HDAC4: variants seen among roughly 807,000 people sequenced by gnomAD.
HDAC4 encodes histone deacetylase A.
Under a neutral mutation model 135.1 loss-of-function variants are expected in HDAC4, and 16 were observed. The ratio of observed to expected loss-of-function variants is 0.12; its 90% CI spans 0.08 to 0.18. The LOEUF (loss-of-function observed/expected upper bound fraction) is 0.18. Among genes scored for constraint, HDAC4 ranks in the 10% least tolerant of loss-of-function variants. The pLI is 1.00. For missense variants in HDAC4, 1,143 were observed against 1,511.8 expected, an observed-to-expected ratio of 0.76 and a Z score of 4.05; for synonymous variants, 685 against 653.4, an observed-to-expected ratio of 1.05 and a Z score of -0.74.
intron 2 of HDAC4, among the ~76,000 whole-genome samples, chr2:239,318,019 T>C (rs1008497098): frequency 2.0e-5 from 3 of 151,816 alleles, no homozygotes; most frequent in Non-Finnish European, 4.4e-5. Flanking sequence ...GTCCTGAATG[T>C]AGCAAGAACG....
intron 1 of HDAC4, among the ~76,000 whole-genome samples, chr2:239,363,820 A>G (rs1694006044): frequency 6.6e-6 from 1 of 152,218 alleles, no homozygotes; most frequent in African/African-American, 2.4e-5. Context: ...CCACACATAC[A>G]CCCAGCAAGG....
chr2:239,089,897 C>T (rs1309045576), intron 18 of HDAC4, 112 bp downstream of exon 18: 1 of 817,712 alleles, frequency 1.2e-6, no homozygotes, highest in East Asian at 2.5e-5. Context: ...GCCTCCCCAT[C>T]ACAGCCGCCT....
At chr2:239,229,644 T>C (rs1219747360) in intron 3 of HDAC4, among the ~76,000 whole-genome samples, 1 of 152,134 alleles carries the variant, frequency 6.6e-6, no homozygotes, top group South Asian at 2.1e-4. Flanking sequence ...AAGGTATATA[T>C]TGGTTTGGCC....
chr2:239,223,442 G>A (rs534874234), intron 3 of HDAC4, among the ~76,000 whole-genome samples: 2 of 152,308 alleles, frequency 1.3e-5, no homozygotes, highest in South Asian at 4.1e-4. Context: ...TAATCCAGCA[G>A]GCAGGTGGAA....
chr2:239,353,510 C>A (rs1263525824), intron 1 of HDAC4, among the ~76,000 whole-genome samples: 2 of 152,118 alleles, frequency 1.3e-5, no homozygotes, highest in Non-Finnish European at 2.9e-5. Flanking sequence ...GTAGGGCTGC[C>A]ATACACATTA....
At chr2:239,148,636 A>G (rs1251849555) in intron 7 of HDAC4, among the ~76,000 whole-genome samples, 3 of 152,230 alleles carry the variant, frequency 2.0e-5, no homozygotes, top group Non-Finnish European at 4.4e-5. Context: ...GACAGAATAA[A>G]GTGATTTACC....
At chr2:239,360,576 A>G (rs568776747) in intron 1 of HDAC4, among the ~76,000 whole-genome samples, 3 of 152,334 alleles carry the variant, frequency 2.0e-5, no homozygotes, top group Non-Finnish European at 4.4e-5. Flanking sequence ...AAACGGGAAC[A>G]TGTATCTCTT....
chr2:239,082,338 A>G, intron 20 of HDAC4, 117 bp from the exon 21 acceptor site: 1 of 1,353,790 alleles, frequency 7.4e-7, no homozygotes, highest in Non-Finnish European at 1.1e-6. Flanking sequence ...CTCAGGAATG[A>G]CATTACCCTC....
chr2:239,086,571 T>C (rs1420033185), intron 19 of HDAC4, among the ~76,000 whole-genome samples: 1 of 152,238 alleles, frequency 6.6e-6, no homozygotes, highest in Non-Finnish European at 1.5e-5. Flanking sequence ...AAGGAGATTC[T>C]GCTCTAACAC....
At chr2:239,191,294 C>A (rs544548629) in intron 3 of HDAC4, among the ~76,000 whole-genome samples, 3 of 152,354 alleles carry the variant, frequency 2.0e-5, no homozygotes, top group African/African-American at 7.2e-5. Context: ...CCAGGTGCAT[C>A]CCTGAGAGCA....
chr2:239,221,550 G>T (rs547124570), intron 3 of HDAC4, among the ~76,000 whole-genome samples: 1 of 152,004 alleles, frequency 6.6e-6, no homozygotes, highest in Non-Finnish European at 1.5e-5. Context: ...AGCACTCACC[G>T]CAAGGCCTGG....
intron 2 of HDAC4, among the ~76,000 whole-genome samples, chr2:239,243,678 A>C (rs1256087239): frequency 2.6e-5 from 4 of 152,214 alleles, no homozygotes; most frequent in Non-Finnish European, 5.9e-5. Context: ...CATATTTTTC[A>C]AACAAAGGTG....
chr2:239,373,217 C>T (rs941937909), intron 1 of HDAC4, among the ~76,000 whole-genome samples: 22 of 152,164 alleles, frequency 1.4e-4, no homozygotes, highest in Non-Finnish European at 2.8e-4. Flanking sequence ...CAGCCATGCC[C>T]GACACTGCTG....
chr2:239,119,605 C>T lies in HDAC4; in HGVS notation c.1534-4295G>A, dbSNP rs534839024. Among the ~76,000 whole-genome samples the T allele has an allele frequency of 8.6e-5, 13 of 151,766 alleles. 1 individual carries two copies. In the South Asian group the frequency reaches 1.0e-3, roughly 12 times the overall value. On this transcript the variant is annotated intron_variant, in intron 12 of 26. Coordinates refer to ENST00000543185, the MANE Select transcript of HDAC4 (RefSeq NM_001378414.1). Reference sequence around the variant, plus strand: ...GGGGAACGGAGCTCAGGGCTGAGAACGCAGAGATGGGAGCTCAGAGCTCAG... The same window carrying T: ...GGGGAACGGAGCTCAGGGCTGAGAATGCAGAGATGGGAGCTCAGAGCTCAG...
Position 239,153,222 on chromosome 2 carries a change from C to T in HDAC4, c.733+3430G>A, listed in dbSNP as rs559038441. ...GACATGCAAAAAATGCATGGGGTGA[C>T]GACAAAATTCACAAGACAGTGACAA... On this transcript the variant is annotated intron_variant, in intron 7 of 26. Transcript: ENST00000543185. Among the ~76,000 whole-genome samples, 20 of 152,274 alleles carry T rather than the reference C, an allele frequency of 1.3e-4. No homozygotes were observed. In the East Asian group the frequency reaches 1.7e-3, roughly 13 times the overall value.
chr2:239,324,805 C>T (rs991142303), intron 2 of HDAC4, among the ~76,000 whole-genome samples: 3 of 152,200 alleles, frequency 2.0e-5, no homozygotes, highest in African/African-American at 2.4e-5. Context: ...AGGGACGCAG[C>T]GACAGGGACG....
intron 12 of HDAC4, among the ~76,000 whole-genome samples, chr2:239,120,658 C>T (rs1437231048): frequency 1.3e-5 from 2 of 151,158 alleles, no homozygotes; most frequent in Non-Finnish European, 3.0e-5. Flanking sequence ...AAGGCTAGGA[C>T]CTTAGAGGGG....
chr2:239,279,975 C>T (rs1244345660), intron 2 of HDAC4, among the ~76,000 whole-genome samples: 1 of 152,134 alleles, frequency 6.6e-6, no homozygotes, highest in African/African-American at 2.4e-5. Context: ...GTGCGGATCC[C>T]ACCTCTCGGG....
intron 2 of HDAC4, among the ~76,000 whole-genome samples, chr2:239,276,014 C>T (rs542606682): frequency 1.3e-5 from 2 of 152,258 alleles, no homozygotes; most frequent in African/African-American, 2.4e-5. Context: ...GGCCAGCATG[C>T]TCTGAGCCAG....
Sources: allele counts gnomAD v4.1 joint callset (sites outside exome capture counted in the v4.1 genomes callset), GRCh38; gene constraint gnomAD v4.1.1; transcripts MANE v1.5; gene names NCBI Gene and HGNC (gene_info 2026-07-23, HGNC 2026-07-21).